The following MAB21L3 variants were observed in gnomAD, a reference collection of about 807,000 sequenced individuals.
The protein encoded by MAB21L3 is protein mab-21-like 3.
MAB21L3 carries 36 observed loss-of-function variants against 37.7 expected under a neutral mutation model. The ratio of observed to expected loss-of-function variants is 0.96; its 90% CI spans 0.73 to 1.26. The LOEUF is 1.26. Among genes scored for constraint, MAB21L3 ranks in the 50% most tolerant of loss-of-function variants. MAB21L3 has a pLI of 0.00. For missense variants in MAB21L3, 430 were observed against 447.3 expected (o/e 0.96, Z 0.35); for synonymous variants, 186 against 176.8 (o/e 1.05, Z -0.41).
At chr1:116,129,564 C>A (rs1243377919) in intron 7 of MAB21L3, among the ~76,000 whole-genome samples, 4 of 152,216 alleles carry the variant, frequency 2.6e-5, no homozygotes, top group Admixed American at 6.5e-5. Flanking sequence ...AAACTGTCTT[C>A]CAGCCCCATG....
chr1:116,132,561 AG>A (rs1291678470), intron 7 of MAB21L3, among the ~76,000 whole-genome samples: 1 of 152,086 alleles, frequency 6.6e-6, no homozygotes, highest in Non-Finnish European at 1.5e-5. Context: ...AAGAAATGGG[AG>A]GAGAGGAAAT....
At chr1:116,125,238 T>TA (rs1659870380) in intron 5 of MAB21L3, among the ~76,000 whole-genome samples, 1 of 152,224 alleles carries the variant, frequency 6.6e-6, no homozygotes, top group Non-Finnish European at 1.5e-5. Flanking sequence ...ATTAGAAGTG[T>TA]AAATTGGTGT....
chr1:116,124,062 C>A lies in MAB21L3; in HGVS notation c.190-4C>A, dbSNP rs1449199472. 3.1e-6 allele frequency: 5 copies of A among 1,594,764 alleles called. No homozygotes were observed. The highest frequency in any genetic ancestry group is 4.3e-6 in the Non-Finnish European group (5 of 1,168,234). ...GCTTGTTTTCAATCCTTTCCTGACC[C>A]TAGGTTTTGGCTCCCAGTCAGTTCC... On this transcript the variant is annotated splice_polypyrimidine_tract_variant and splice_region_variant and intron_variant, in intron 4 of 7. Transcript: ENST00000369500.
intron 3 of MAB21L3, among the ~76,000 whole-genome samples, chr1:116,118,153 G>A (rs1178161785): frequency 6.6e-6 from 1 of 152,138 alleles, no homozygotes; most frequent in East Asian, 1.9e-4. Context: ...GGAGGCCAAG[G>A]TGGGCACAGC....
chr1:116,133,022 G>A (rs977149585), intron 7 of MAB21L3, 110 bp from the exon 8 acceptor site: 17 of 888,172 alleles, frequency 1.9e-5, no homozygotes, highest in African/African-American at 3.3e-5. Context: ...AGTCTGCCCA[G>A]GCAACTCTTT....
intron 3 of MAB21L3, among the ~76,000 whole-genome samples, chr1:116,115,697 A>G (rs1171445378): frequency 1.3e-5 from 2 of 152,226 alleles, no homozygotes; most frequent in African/African-American, 4.8e-5. Context: ...TCAGAGTGAT[A>G]TTATTATAGG....
intron 6 of MAB21L3, 118 bp downstream of exon 6, chr1:116,127,762 G>A: frequency 8.8e-7 from 1 of 1,132,136 alleles, no homozygotes; most frequent in Non-Finnish European, 1.2e-6. Context: ...TAGATCAGCA[G>A]TTCTCAAAGT....
rs534785541 is a variant in MAB21L3 at position 116,125,941 on chromosome 1, A to G, written c.482-1525A>G. On this transcript the variant is annotated intron_variant, in intron 5 of 7. Transcript: ENST00000369500. ...CCTCTTATGCTGTGCGACATTATTC[A>G]TGGTGAAAGTGCAAAGCAGAGATTC... 3.9e-5 allele frequency among the ~76,000 whole-genome samples: 6 copies of G among 152,276 alleles called. No homozygotes were observed. The East Asian group carries it at 5.8e-4, about 15-fold the overall frequency.
rs1244783336 is a variant in MAB21L3, at chr1:116,135,244, G to GA, written c.*1886dup. 1 of 151,192 alleles carries GA rather than the reference G, an allele frequency of 6.6e-6. No individual in the cohort carries two copies. The highest frequency in any genetic ancestry group is 1.5e-5 in the Non-Finnish European group (1 of 67,840). 9.4% of individuals were successfully genotyped at this position (151,192 alleles called of 1,614,324 possible). A position where few individuals can be genotyped will look rare whatever the true frequency, so the allele number is the denominator to read the frequency against. On this transcript the variant is annotated 3_prime_UTR_variant, in exon 8 of 8. Transcript: ENST00000369500. ...ATAGACTGCTAGCAAGACTAATAAAGAAAAAAAGAGAGAAGAATCAAATAG... is the reference window on the plus strand; with the variant it reads ...ATAGACTGCTAGCAAGACTAATAAAGAAAAAAAAGAGAGAAGAATCAAATAG...
chr1:116,113,808 G>A (rs1471701832), intron 3 of MAB21L3, among the ~76,000 whole-genome samples: 14 of 152,158 alleles, frequency 9.2e-5, no homozygotes, highest in Admixed American at 8.5e-4. Flanking sequence ...TGTGTGCTGG[G>A]GCTGAGTGTT....
chr1:116,136,456 T>C lies in MAB21L3; in HGVS notation c.*3091T>C, dbSNP rs905474119. Among the ~76,000 whole-genome samples the C allele has an allele frequency of 5.9e-5, 9 of 152,062 alleles. No homozygotes were observed. The highest frequency in any genetic ancestry group is 2.2e-4 in the African/African-American group (9 of 41,520). On this transcript the variant is annotated 3_prime_UTR_variant, in exon 8 of 8. Coordinates refer to ENST00000369500, the MANE Select transcript of MAB21L3 (RefSeq NM_152367.3). ...CTCTTCAAGGAGAACTACAAACCACTGCTCAATGAAATAAAAGAGGATACA... is the reference window on the plus strand; with the variant it reads ...CTCTTCAAGGAGAACTACAAACCACCGCTCAATGAAATAAAAGAGGATACA...
chr1:116,123,844 G>A, intron 4 of MAB21L3: 3 of 520,650 alleles, frequency 5.8e-6, no homozygotes, highest in South Asian at 2.6e-5. Flanking sequence ...AATAAACTCA[G>A]CAGGTTAATT....
chr1:116,116,849 G>A (rs1272436120), intron 3 of MAB21L3, among the ~76,000 whole-genome samples: 1 of 152,076 alleles, frequency 6.6e-6, no homozygotes, highest in Non-Finnish European at 1.5e-5. Context: ...TTCACCTTTG[G>A]TAATCAAAAC....
intron 5 of MAB21L3, among the ~76,000 whole-genome samples, chr1:116,125,895 G>C (rs1037685415): frequency 6.6e-6 from 1 of 152,222 alleles, no homozygotes; most frequent in Non-Finnish European, 1.5e-5. Flanking sequence ...GGGCCGGCAG[G>C]CTGGCTGCAG....
In MAB21L3 at chr1:116,137,925, A is replaced by G. The variant is rs1660226659; in HGVS notation, c.*4560A>G. On this transcript the variant is annotated 3_prime_UTR_variant, in exon 8 of 8. Coordinates refer to ENST00000369500, the MANE Select transcript of MAB21L3 (RefSeq NM_152367.3). ...ACTCATAGGTGGGAATTGAACAATG[A>G]GAACACATGGACACATTAAGGGTAA... is the stretch of plus-strand genomic sequence containing the variant. Among the ~76,000 whole-genome samples, 1 of 142,006 alleles carries G rather than the reference A, an allele frequency of 7.0e-6. No individual in the cohort carries two copies. Among genetic ancestry groups the G allele is most frequent in the South Asian group, 2.3e-4 (1 of 4,436 alleles). The allele number at this position is 142,006 out of a possible 152,430, so 93.2% of individuals were successfully genotyped here.
chr1:116,120,295 T>G (rs1176747866), intron 3 of MAB21L3, among the ~76,000 whole-genome samples: 1 of 152,070 alleles, frequency 6.6e-6, no homozygotes, highest in Non-Finnish European at 1.5e-5. Flanking sequence ...AGAGAAGTCT[T>G]CTTTGTCCAT....
At chr1:116,128,947 ACATT>A (rs1659989808) in intron 7 of MAB21L3, among the ~76,000 whole-genome samples, 1 of 152,154 alleles carries the variant, frequency 6.6e-6, no homozygotes, top group African/African-American at 2.4e-5. Context: ...CCAACAGTAC[ACATT>A]CATTCATGCC....
chr1:116,123,202 C>T (rs1357413852), intron 4 of MAB21L3, among the ~76,000 whole-genome samples: 2 of 152,212 alleles, frequency 1.3e-5, no homozygotes, highest in South Asian at 2.1e-4. Context: ...TTCTACCTCT[C>T]GGCTGCCGGT....
At chr1:116,128,379 T>G (rs1429151008) in intron 7 of MAB21L3, 40 bp downstream of exon 7, 4 of 1,557,752 alleles carry the variant, frequency 2.6e-6, no homozygotes, top group Non-Finnish European at 3.5e-6. Flanking sequence ...AGGGGCAGCT[T>G]TGGATAGGTC....
Sources: gnomAD v4.1 joint callset for allele counts (sites outside exome capture counted in the v4.1 genomes callset) on GRCh38, gnomAD v4.1.1 for gene constraint, MANE v1.5 for transcripts, NCBI Gene and HGNC (gene_info 2026-07-23, HGNC 2026-07-21) for gene names.